The following NUDCD1 variants were observed in gnomAD, a reference collection of about 807,000 sequenced individuals.
The protein encoded by NUDCD1 is nudC domain-containing protein 1.
A neutral mutation model predicts 67.8 loss-of-function variants in NUDCD1; 60 were observed. The ratio of observed to expected loss-of-function variants is 0.88; its 90% CI spans 0.72 to 1.10. The LOEUF is 1.10. Ranked by LOEUF, NUDCD1 falls within the 50% of genes least tolerant of loss-of-function variation. The probability of loss-of-function intolerance (pLI) is 0.00; values close to 1 mark genes in which losing one functional copy is unlikely to be tolerated. For missense variants in NUDCD1, 643 were observed against 695.0 expected (o/e 0.93, Z 0.84); for synonymous variants, 244 against 230.8 (o/e 1.06, Z -0.52).
At chr8:109,280,064 A>T (rs1586273727) in intron 6 of NUDCD1, among the ~76,000 whole-genome samples, 1 of 152,224 alleles carries the variant, frequency 6.6e-6, no homozygotes, top group Non-Finnish European at 1.5e-5. Context: ...TTAGAAATTT[A>T]TCCTTCATAT....
intron 6 of NUDCD1, among the ~76,000 whole-genome samples, chr8:109,279,788 C>T (rs533943872): frequency 6.6e-6 from 1 of 151,982 alleles, no homozygotes; most frequent in African/African-American, 2.4e-5. Flanking sequence ...CCCGCCACCA[C>T]GCCCAGCTAA....
intron 8 of NUDCD1, among the ~76,000 whole-genome samples, chr8:109,265,645 T>C (rs1813976608): frequency 6.6e-6 from 1 of 152,186 alleles, no homozygotes; most frequent in African/African-American, 2.4e-5. Flanking sequence ...GTCCCCAACT[T>C]TTTTGGCACC....
intron 2 of NUDCD1, among the ~76,000 whole-genome samples, chr8:109,305,512 A>C (rs533560961): frequency 1.3e-5 from 2 of 152,248 alleles, no homozygotes; most frequent in African/African-American, 4.8e-5. Context: ...CCAAGTTAAA[A>C]AGGACTGGAC....
In NUDCD1 at chr8:109,242,826, C is replaced by T. The variant is rs184020641; in HGVS notation, c.*183G>A. 1 of 374,866 alleles carries T rather than the reference C, an allele frequency of 2.7e-6. No homozygotes were observed. Among genetic ancestry groups the T allele is most frequent in the Non-Finnish European group, 4.8e-6 (1 of 210,244 alleles). The allele number at this position is 374,866 out of a possible 1,614,324, so 23.2% of individuals were successfully genotyped here. A position where few individuals can be genotyped will look rare whatever the true frequency, so the allele number is the denominator to read the frequency against. On this transcript the variant is annotated 3_prime_UTR_variant, in exon 10 of 10. Coordinates refer to ENST00000239690, the MANE Select transcript of NUDCD1 (RefSeq NM_032869.4). ...AAGCCAATGTTCTCTAAATCTGCAG[C>T]TTCATTCCACAGCTTTACAGAATCA... is the stretch of plus-strand genomic sequence containing the variant.
At chr8:109,249,602 T>C (rs1813576724) in intron 8 of NUDCD1, among the ~76,000 whole-genome samples, 1 of 152,238 alleles carries the variant, frequency 6.6e-6, no homozygotes, top group African/African-American at 2.4e-5. Flanking sequence ...TGCTTATTGC[T>C]TTCAATTTTA....
At chr8:109,293,588 G>C in intron 3 of NUDCD1, 64 bp from the exon 4 acceptor site, 1 of 847,748 alleles carries the variant, frequency 1.2e-6, no homozygotes, top group South Asian at 2.7e-5. Context: ...ATAGCATAGA[G>C]GGAATATATA....
chr8:109,266,539 C>T (rs756653167), intron 8 of NUDCD1, among the ~76,000 whole-genome samples: 14 of 151,836 alleles, frequency 9.2e-5, no homozygotes, highest in Non-Finnish European at 1.3e-4. Context: ...CCACCTCGCC[C>T]GGCTATTTGT....
intron 2 of NUDCD1, chr8:109,298,708 GATT>G (rs1419396427): frequency 1.3e-5 from 2 of 152,180 alleles, no homozygotes; most frequent in Non-Finnish European, 2.9e-5. Context: ...CAAGAAACAT[GATT>G]ATTTAAAATG....
chr8:109,256,630 C>T (rs1343116375), intron 8 of NUDCD1, among the ~76,000 whole-genome samples: 1 of 152,144 alleles, frequency 6.6e-6, no homozygotes, highest in African/African-American at 2.4e-5. Context: ...TTACTTTGAT[C>T]TTCACACAAA....
intron 8 of NUDCD1, among the ~76,000 whole-genome samples, chr8:109,253,984 G>A (rs1219418747): frequency 6.6e-6 from 1 of 152,164 alleles, no homozygotes; most frequent in East Asian, 1.9e-4. Flanking sequence ...GAAGGTTCCT[G>A]AGTCAAGAAC....
At chr8:109,329,718 AG>A (rs1815760263) in intron 1 of NUDCD1, 2 of 1,233,778 alleles carry the variant, frequency 1.6e-6, no homozygotes, top group Admixed American at 4.4e-5. Flanking sequence ...CAACTTCTTA[AG>A]TTGTACATTT....
Position 109,242,469 on chromosome 8 carries a change from C to A in NUDCD1, c.*540G>T. 1 of 238,086 alleles carries A rather than the reference C, an allele frequency of 4.2e-6. No individual in the cohort carries two copies. The highest frequency in any genetic ancestry group is 8.0e-6 in the Non-Finnish European group (1 of 125,244). 14.7% of individuals were successfully genotyped at this position (238,086 alleles called of 1,614,324 possible). A position where few individuals can be genotyped will look rare whatever the true frequency, so the allele number is the denominator to read the frequency against. ...TGGCAGAGCAACTGGCTAAAAGTTA[C>A]ATAAAGCTATACTTAATTTGAAAAT... is the stretch of plus-strand genomic sequence containing the variant. On this transcript the variant is annotated 3_prime_UTR_variant, in exon 10 of 10. Coordinates refer to ENST00000239690, the MANE Select transcript of NUDCD1 (RefSeq NM_032869.4).
At chr8:109,263,209 G>T (rs1164199850) in intron 8 of NUDCD1, among the ~76,000 whole-genome samples, 1 of 151,888 alleles carries the variant, frequency 6.6e-6, no homozygotes, top group Non-Finnish European at 1.5e-5. Context: ...CCTTCTCAAA[G>T]AACTTTGTTC....
At chr8:109,277,963 A>C (rs1328637944) in intron 6 of NUDCD1, among the ~76,000 whole-genome samples, 1 of 152,240 alleles carries the variant, frequency 6.6e-6, no homozygotes, top group African/African-American at 2.4e-5. Context: ...ATAAAATGTA[A>C]GATACCTTTT....
intron 8 of NUDCD1, among the ~76,000 whole-genome samples, chr8:109,259,604 T>C (rs1813820694): frequency 1.3e-5 from 2 of 152,166 alleles, no homozygotes; most frequent in African/African-American, 2.4e-5. Flanking sequence ...TCACTGCCTA[T>C]TAATGAGGAG....
intron 8 of NUDCD1, among the ~76,000 whole-genome samples, chr8:109,247,235 A>G (rs1286942072): frequency 6.6e-6 from 1 of 152,148 alleles, no homozygotes; most frequent in Admixed American, 6.5e-5. Flanking sequence ...TTTTTTAACC[A>G]AGGGCTTTCA....
At chr8:109,293,573 C>T (rs756776279) in intron 3 of NUDCD1, 49 bp from the exon 4 acceptor site, 4 of 1,014,530 alleles carry the variant, frequency 3.9e-6, no homozygotes, top group East Asian at 5.4e-5. Flanking sequence ...ATTACATGAA[C>T]ACAGATAGCA....
At chr8:109,252,287 TAGG>T (rs764495001) in intron 8 of NUDCD1, among the ~76,000 whole-genome samples, 7 of 152,140 alleles carry the variant, frequency 4.6e-5, no homozygotes, top group Non-Finnish European at 8.8e-5. Context: ...CCTCCAGTGG[TAGG>T]AGACTTCTAA....
At chr8:109,304,684 T>G (rs1815063484) in intron 2 of NUDCD1, among the ~76,000 whole-genome samples, 2 of 152,188 alleles carry the variant, frequency 1.3e-5, no homozygotes, top group South Asian at 4.1e-4. Flanking sequence ...TAATAAAAAC[T>G]CTTCTCAAGG....
Sources: gnomAD v4.1 joint callset for allele counts (sites outside exome capture counted in the v4.1 genomes callset) on GRCh38, gnomAD v4.1.1 for gene constraint, MANE v1.5 for transcripts, NCBI Gene and HGNC (gene_info 2026-07-23, HGNC 2026-07-21) for gene names.